ZNF875: variants seen among roughly 807,000 people sequenced by gnomAD.
ZNF875 encodes HKR1, GLI-Kruppel zinc finger family member.
A neutral mutation model predicts 11.2 loss-of-function variants in ZNF875; 14 were observed. The observed-to-expected ratio is 1.26, with a 90% CI of 0.83 to 1.96. The LOEUF is 1.96. Ranked by LOEUF, ZNF875 falls within the 30% of genes most tolerant of loss-of-function variation. ZNF875 has a pLI of 0.00. For synonymous variants in ZNF875, 301 were observed against 281.1 expected (o/e 1.07, Z -0.71); for missense variants, 752 against 760.4 (o/e 0.99, Z 0.13).
At chr19:37,340,382 A>G (rs1324041430) in intron 2 of ZNF875, among the ~76,000 whole-genome samples, 1 of 152,174 alleles carries the variant, frequency 6.6e-6, no homozygotes, top group South Asian at 2.1e-4. Context: ...CTTCTCTCAC[A>G]TGAAAGCTCA....
In ZNF875 at chr19:37,363,522, C is replaced by G. The variant is rs375688770; in HGVS notation, c.1670C>G (p.Ser557Ter). ...CTGTTTAGGCACAAGAGGGCACACT[C>G]AGGTGCCTTTGTGTGCAGGGAGTGT... ...PNLFRHKRAHSGAFVCRECGQ... is the reference protein window; with the variant it reads ...PNLFRHKRAH The change falls in exon 5 of 5, where the codon TCA becomes TGA. Residue 557 changes from serine (S) to a stop codon, truncating the protein, a stop_gained. Coordinates refer to ENST00000392153, the MANE Select transcript of ZNF875 (RefSeq NM_001353803.2). LOFTEE classifies it low-confidence loss of function (END_TRUNC). 3.7e-6 allele frequency: 6 copies of G among 1,612,890 alleles called. No individual in the cohort carries two copies. The highest frequency in any genetic ancestry group is 5.1e-6 in the Non-Finnish European group (6 of 1,179,338).
In ZNF875 at chr19:37,347,297, T is replaced by C. The variant is rs141089018; in HGVS notation, c.141T>C (p.Tyr47=). 1.4e-4 allele frequency: 221 copies of C among 1,613,778 alleles called. No individual in the cohort carries two copies. The highest frequency in any genetic ancestry group is 2.2e-4 in the Admixed American group (13 of 59,994). The change falls in exon 3 of 5, where the codon TAT becomes TAC. Residue 47 remains tyrosine (Y), a synonymous_variant. Transcript: ENST00000392153. The part of the protein sequence containing the change: ...TLHREVMLET[Y]NHLVSLEIPS... ...ACAGGGAGGTGATGCTGGAGACTTA[T>C]AACCATCTGGTCTCACTGGGTAAGA...
rs143859791 is a variant in ZNF875 at position 37,362,454 on chromosome 19, G to T, written c.602G>T (p.Ser201Ile). The T allele has an allele frequency of 8.2e-5, 132 of 1,614,066 alleles. No individual in the cohort carries two copies. The highest frequency in any genetic ancestry group is 1.9e-5 in the Non-Finnish European group (23 of 1,180,044). The change falls in exon 5 of 5, where the codon AGC becomes ATC. Residue 201 changes from serine to isoleucine, a missense_variant. By Grantham distance (142) the Ser-to-Ile change is moderately radical. Transcript: ENST00000392153. The stretch of plus-strand genomic sequence containing the variant: ...AACACAGTGGTGGATATAGGGTCCA[G>T]CCCTGAACGGAGGGCAGATCTAGAG... ...EDNTVVDIGS[S>I]PERRADLEET...
upstream of ZNF875, among the ~76,000 whole-genome samples, chr19:37,313,679 C>T (rs2030057828): frequency 1.3e-5 from 2 of 152,080 alleles, no homozygotes; most frequent in South Asian, 4.2e-4. Flanking sequence ...CATCTCTTAC[C>T]CCCACAGACC....
At chr19:37,318,092 C>G (rs980997815) in exon 1 of ZNF875, 1 of 154,782 alleles carries the variant, frequency 6.5e-6, no homozygotes, top group East Asian at 1.9e-4. Flanking sequence ...GGCTGCGTCC[C>G]GGCCCTTCCC....
At chr19:37,316,683 G>C (rs1020144818), upstream of ZNF875, among the ~76,000 whole-genome samples, 2 of 119,744 alleles carry the variant, frequency 1.7e-5, no homozygotes, top group African/African-American at 6.4e-5. Flanking sequence ...TTTATTTTAA[G>C]ACGGAGTCTC....
rs201773503 is a variant in ZNF875, at chr19:37,362,325, G to A, written c.473G>A (p.Gly158Glu). 12 of 1,614,128 alleles carry A rather than the reference G, an allele frequency of 7.4e-6. No homozygotes were observed. The African/African-American group carries it at 1.5e-4, about 20-fold the overall frequency. Residue 158 changes from glycine (G) to glutamate (E), a missense_variant, in exon 5 of 5, where the codon GGA becomes GAA. Gly to Glu is a moderately conservative substitution (Grantham distance 98). Transcript: ENST00000392153. The stretch of plus-strand genomic sequence containing the variant: ...GGCAAAGCAGAATGGATTCAAGAGG[G>A]AGAAGACTCCAGACTCCTGTTTGGG... ...FSGKAEWIQEGEDSRLLFGRV... is the reference protein window; with the variant it reads ...FSGKAEWIQEEEDSRLLFGRV...
rs367898781 is a variant in ZNF875 at position 37,357,959 on chromosome 19, T to C, written c.257-4150T>C. 9 of 398,368 alleles carry C rather than the reference T, an allele frequency of 2.3e-5. No homozygotes were observed. The South Asian group carries it at 1.1e-3, about 51-fold the overall frequency. The allele number at this position is 398,368 out of a possible 1,614,324, so 24.7% of individuals were successfully genotyped here. On this transcript the variant is annotated intron_variant, in intron 4 of 4. Coordinates refer to ENST00000392153, the MANE Select transcript of ZNF875 (RefSeq NM_001353803.2). ...GACATCCTTTTCTTGTTCCACTTCT[T>C]AGGGGGAATGGTTTCAGCTTTCGCC...
At chr19:37,338,810 T>G (rs1225864188) in intron 2 of ZNF875, among the ~76,000 whole-genome samples, 1 of 152,194 alleles carries the variant, frequency 6.6e-6, no homozygotes, top group East Asian at 1.9e-4. Flanking sequence ...ATGTGGTTAA[T>G]CACATGTTTC....
chr19:37,322,013 G>A (rs1046004997), intron 1 of ZNF875, among the ~76,000 whole-genome samples: 2 of 152,190 alleles, frequency 1.3e-5, no homozygotes, highest in Non-Finnish European at 2.9e-5. Context: ...CCGTATGTTA[G>A]AACGGTCCTG....
intron 2 of ZNF875, among the ~76,000 whole-genome samples, chr19:37,339,222 A>C (rs891806658): frequency 3.3e-5 from 5 of 152,068 alleles, no homozygotes; most frequent in African/African-American, 1.2e-4. Context: ...ACAGGCCCTA[A>C]TGGTAAAATC....
chr19:37,346,912 G>T, intron 2 of ZNF875: 1 of 305,002 alleles, frequency 3.3e-6, no homozygotes, highest in Non-Finnish European at 6.3e-6. Context: ...TGCCCAGGCT[G>T]GAGTGCAATG....
At chr19:37,346,911 T>C in intron 2 of ZNF875, 1 of 310,644 alleles carries the variant, frequency 3.2e-6, no homozygotes, top group South Asian at 3.0e-5. Flanking sequence ...TTGCCCAGGC[T>C]GGAGTGCAAT....
intron 2 of ZNF875, among the ~76,000 whole-genome samples, chr19:37,342,409 ATTT>A (rs66638698): frequency 1.5e-5 from 2 of 135,726 alleles, no homozygotes; most frequent in Admixed American, 7.5e-5. Context: ...ATCCAACTGA[ATTT>A]TTTTTTTTTT....
At position 37,363,611 on chromosome 19, in the gene ZNF875, C is replaced by G; in HGVS notation, c.1759C>G (p.Pro587Ala). 2 of 1,613,704 alleles carry G rather than the reference C, an allele frequency of 1.2e-6. No homozygotes were observed. Among genetic ancestry groups the G allele is most frequent in the South Asian group, 1.1e-5 (1 of 91,018 alleles). Reference sequence around the variant, plus strand: ...CCAGAGAGCACACGCAGGGGGGAAGCCTCATGTGTGCAGGGAGTGTGGGCA... The same window carrying G: ...CCAGAGAGCACACGCAGGGGGGAAGGCTCATGTGTGCAGGGAGTGTGGGCA... ...KHQRAHAGGKPHVCRECGQGF... is the reference protein window; with the variant it reads ...KHQRAHAGGKAHVCRECGQGF... Residue 587 changes from proline (P) to alanine (A), a missense_variant, in exon 5 of 5, where the codon CCT (proline) becomes GCT (alanine). Physicochemically the swap from Pro to Ala is conservative, Grantham distance 27 (BLOSUM62 -1). Coordinates refer to ENST00000392153, the MANE Select transcript of ZNF875 (RefSeq NM_001353803.2).
At chr19:37,344,746 T>C (rs1216347217) in intron 2 of ZNF875, 3 of 1,608,770 alleles carry the variant, frequency 1.9e-6, no homozygotes, top group Non-Finnish European at 2.6e-6. Context: ...AGACAAACCA[T>C]GAGTTGTTCC....
In ZNF875 at chr19:37,345,016, T is replaced by C. The variant is rs1020188397; in HGVS notation, c.34-2174T>C. The C allele has an allele frequency of 1.0e-4, 43 of 418,296 alleles. 1 individual carries two copies. The highest frequency in any genetic ancestry group is 1.4e-3 in the Middle Eastern group (2 of 1,412). 25.9% of individuals were successfully genotyped at this position (418,296 alleles called of 1,614,324 possible). Reference sequence around the variant, plus strand: ...AACACTCACATACCCATCACCTAGATTCTCAGTGAGTACCTCCTTCTCATG... The same window carrying C: ...AACACTCACATACCCATCACCTAGACTCTCAGTGAGTACCTCCTTCTCATG... On this transcript the variant is annotated intron_variant, in intron 2 of 4. Transcript: ENST00000392153.
chr19:37,363,216 G>A lies in ZNF875; in HGVS notation c.1364G>A (p.Cys455Tyr). The change falls in exon 5 of 5, where the codon TGC becomes TAC. Residue 455 changes from cysteine to tyrosine, a missense_variant. Cys to Tyr is a radical substitution (Grantham distance 194, BLOSUM62 -2). Coordinates refer to ENST00000392153, the MANE Select transcript of ZNF875 (RefSeq NM_001353803.2). ...SGVKPYVCLE[C>Y]GQCFSLKSNL... ...GTTAAACCTTATGTCTGCCTGGAGT[G>A]CGGGCAGTGCTTTAGCCTGAAGTCA... is the stretch of plus-strand genomic sequence containing the variant. The A allele has an allele frequency of 6.2e-7, 1 of 1,614,110 alleles. No individual in the cohort carries two copies. The highest frequency in any genetic ancestry group is 8.5e-7 in the Non-Finnish European group (1 of 1,180,008).
chr19:37,319,101 C>G (rs2030738667), intron 1 of ZNF875, among the ~76,000 whole-genome samples: 1 of 149,164 alleles, frequency 6.7e-6, no homozygotes, highest in Admixed American at 6.7e-5. Context: ...GGCTGGAGTG[C>G]AATGGTGTGA....
Sources: gnomAD v4.1 joint callset for allele counts (sites outside exome capture counted in the v4.1 genomes callset) on GRCh38, gnomAD v4.1.1 for gene constraint, MANE v1.5 for transcripts, NCBI Gene and HGNC (gene_info 2026-07-23, HGNC 2026-07-21) for gene names.